EAF2: variants seen among roughly 807,000 people sequenced by gnomAD.
The protein encoded by EAF2 is ELL associated factor 2, also known as ELL-associated factor 2.
A neutral mutation model predicts 29.4 loss-of-function variants in EAF2; 29 were observed. The ratio of observed to expected loss-of-function variants is 0.99; its 90% CI spans 0.73 to 1.35. EAF2 has a LOEUF of 1.35. EAF2 is among the 40% of genes most tolerant of loss of function. The pLI is 0.00. For synonymous variants in EAF2, 103 were observed against 102.5 expected, an observed-to-expected ratio of 1.00 and a Z score of -0.03; for missense variants, 292 against 312.0, an observed-to-expected ratio of 0.94 and a Z score of 0.48.
intron 5 of EAF2, among the ~76,000 whole-genome samples, chr3:121,876,521 C>A (rs1228508740): frequency 2.0e-5 from 3 of 151,728 alleles, no homozygotes; most frequent in Admixed American, 6.6e-5. Context: ...ATAAAGATAA[C>A]AAGTCTGTTT....
intron 2 of EAF2, among the ~76,000 whole-genome samples, chr3:121,851,141 A>G (rs1189770452): frequency 1.3e-5 from 2 of 151,996 alleles, no homozygotes; most frequent in African/African-American, 4.8e-5. Context: ...TATGGTTAAG[A>G]GTCCTTTTAT....
chr3:121,868,603 T>A (rs116478545), intron 4 of EAF2, among the ~76,000 whole-genome samples: 16,856 of 151,860 alleles, frequency 0.11, 1,000 homozygotes, highest in South Asian at 0.16. Flanking sequence ...ATCTCAAAAA[T>A]AAATAAATAA....
intron 1 of EAF2, among the ~76,000 whole-genome samples, chr3:121,836,441 G>A (rs1708286364): frequency 6.6e-6 from 1 of 152,142 alleles, no homozygotes. Context: ...TATTTAAGTT[G>A]TAGACAATTT....
Position 121,886,431 on chromosome 3 carries a change from ATTT to A in EAF2, c.*44_*46del. On this transcript the variant is annotated 3_prime_UTR_variant, in exon 6 of 6. Coordinates refer to ENST00000273668, the MANE Select transcript of EAF2 (RefSeq NM_018456.6). ...AATAAAAATTTATACAGCATGTATAATTTATTTTGTATTAACAATAAAAATTCC... is the reference window on the plus strand; with the variant it reads ...AATAAAAATTTATACAGCATGTATAAATTTTGTATTAACAATAAAAATTCC... The A allele has an allele frequency of 1.7e-6, 2 of 1,204,162 alleles. No homozygotes were observed. The highest frequency in any genetic ancestry group is 2.2e-6 in the Non-Finnish European group (2 of 895,436). 74.6% of individuals were successfully genotyped at this position (1,204,162 alleles called of 1,614,324 possible).
intron 1 of EAF2, among the ~76,000 whole-genome samples, chr3:121,844,129 C>T (rs1010539173): frequency 3.9e-5 from 6 of 152,020 alleles, no homozygotes; most frequent in African/African-American, 1.2e-4. Context: ...AGTTTTTTAG[C>T]AAGTTGTGAA....
chr3:121,852,144 T>G (rs1288461645), intron 2 of EAF2, among the ~76,000 whole-genome samples: 1 of 152,228 alleles, frequency 6.6e-6, no homozygotes. Context: ...CTTCTTCAGG[T>G]GCTGAGAGCA....
intron 5 of EAF2, among the ~76,000 whole-genome samples, chr3:121,884,728 C>T (rs969825141): frequency 8.5e-5 from 13 of 152,172 alleles, no homozygotes; most frequent in Middle Eastern, 3.4e-3. Context: ...TGCCCGACCT[C>T]GCAGATTTCT....
chr3:121,844,546 AAGTG>A lies in EAF2; in HGVS notation c.201+3_201+6del, dbSNP rs1340020597. 4 of 1,581,612 alleles carry A rather than the reference AAGTG, an allele frequency of 2.5e-6. No individual in the cohort carries two copies. The highest frequency in any genetic ancestry group is 8.7e-7 in the Non-Finnish European group (1 of 1,155,408). On this transcript the variant is annotated splice_donor_variant and splice_donor_region_variant and coding_sequence_variant and intron_variant, in exon 2 of 6. Transcript: ENST00000273668. LOFTEE classifies it high-confidence loss of function. ...GTGACCATAACTCTGCCAAATATAGAAGTGAGTATTTCTGTATCTTTAAAGTGAT... is the reference window on the plus strand; with the variant it reads ...GTGACCATAACTCTGCCAAATATAGAAGTATTTCTGTATCTTTAAAGTGAT...
chr3:121,855,146 A>G (rs1708697726), intron 3 of EAF2, among the ~76,000 whole-genome samples: 1 of 152,194 alleles, frequency 6.6e-6, no homozygotes, highest in Non-Finnish European at 1.5e-5. Context: ...CATCTTCATT[A>G]GTAAAAATTT....
At chr3:121,880,455 G>GGT (rs58834177) in intron 5 of EAF2, among the ~76,000 whole-genome samples, 1,469 of 143,046 alleles carry the variant, frequency 0.01, 15 homozygotes, top group South Asian at 0.018. Context: ...AGTGTTTTGG[G>GGT]GTGTGTGTGT....
intron 4 of EAF2, among the ~76,000 whole-genome samples, chr3:121,863,495 G>A (rs567613220): frequency 7.9e-5 from 12 of 152,276 alleles, no homozygotes; most frequent in African/African-American, 9.6e-5. Flanking sequence ...GGGACCCTCC[G>A]AGCCAGGTGC....
intron 5 of EAF2, among the ~76,000 whole-genome samples, chr3:121,878,799 C>T (rs2107546767): frequency 6.6e-6 from 1 of 152,246 alleles, no homozygotes; most frequent in South Asian, 2.1e-4. Context: ...TTAATGGACA[C>T]TTTGGTTGAT....
intron 2 of EAF2, among the ~76,000 whole-genome samples, chr3:121,851,353 T>G (rs902750639): frequency 1.3e-5 from 2 of 151,384 alleles, no homozygotes; most frequent in African/African-American, 4.8e-5. Flanking sequence ...AATTTTTAGT[T>G]TTTTTTTTGT....
Position 121,845,459 on chromosome 3 carries a change from A to AAAAAAAAAAAAAAAG in EAF2, c.201+915_201+916insAAAAAAAAAAAGAAA, listed in dbSNP as rs71133578. Among the ~76,000 whole-genome samples the AAAAAAAAAAAAAAAG allele has an allele frequency of 6.4e-4, 62 of 96,646 alleles. 1 individual carries two copies. The highest frequency in any genetic ancestry group is 7.2e-4 in the African/African-American group (16 of 22,274). The allele number at this position is 96,646 out of a possible 152,430, so 63.4% of individuals were successfully genotyped here. A position where few individuals can be genotyped will look rare whatever the true frequency, so the allele number is the denominator to read the frequency against. ...ACATCTCAAAAAAAAAAAAAAAAAA[A>AAAAAAAAAAAAAAAG]AAAGAAAGAAAGAAAAAGAAAAAGA... On this transcript the variant is annotated intron_variant, in intron 2 of 5. Coordinates refer to ENST00000273668, the MANE Select transcript of EAF2 (RefSeq NM_018456.6).
rs1040549085 is a variant in EAF2 at position 121,835,457 on chromosome 3, C to G, written c.106+66C>G. On this transcript the variant is annotated intron_variant, in intron 1 of 5. Transcript: ENST00000273668. ...GGATGGGGGTGAAGAGGCACAAACC[C>G]CTCTGGGTTTTGTTCCCACAGTACC... is the stretch of plus-strand genomic sequence containing the variant. 11 of 1,450,858 alleles carry G rather than the reference C, an allele frequency of 7.6e-6. 1 individual carries two copies. Among genetic ancestry groups the G allele is most frequent in the East Asian group, 2.3e-5 (1 of 43,090 alleles). 89.9% of individuals were successfully genotyped at this position (1,450,858 alleles called of 1,614,324 possible).
At chr3:121,839,329 C>T (rs562732591) in intron 1 of EAF2, among the ~76,000 whole-genome samples, 37 of 152,278 alleles carry the variant, frequency 2.4e-4, no homozygotes, top group South Asian at 8.3e-4. Context: ...ATTCATCCTC[C>T]GTGTGACTAT....
At chr3:121,873,093 T>C (rs1709045232) in intron 5 of EAF2, 2 of 681,376 alleles carry the variant, frequency 2.9e-6, no homozygotes, top group East Asian at 5.4e-5. Context: ...TTCTTTTCAT[T>C]CTACAATTTC....
At chr3:121,841,525 AAAAAAAAAAAAAAAAAAAG>A (rs1190380471) in intron 1 of EAF2, among the ~76,000 whole-genome samples, 535 of 31,460 alleles carry the variant, frequency 0.017, 20 homozygotes, top group African/African-American at 0.072. Context: ...AAAAAAAAAA[AAAAAAAAAAAAAAAAAAAG>A]AAAGAAAGAA....
rs1175333816 is a variant in EAF2, at chr3:121,857,489, CAAAA to C, written c.484+344_484+347del. 8.7e-5 allele frequency among the ~76,000 whole-genome samples: 6 copies of C among 69,154 alleles called. No individual in the cohort carries two copies. In the South Asian group the frequency reaches 2.6e-3, roughly 30 times the overall value. 45.4% of individuals were successfully genotyped at this position (69,154 alleles called of 152,430 possible). On this transcript the variant is annotated intron_variant, in intron 4 of 5. Coordinates refer to ENST00000273668, the MANE Select transcript of EAF2 (RefSeq NM_018456.6). ...CCTGGGTGACGGTGAGACTCCATCT[CAAAA>C]AAAAAAAAAAGAAAAAAAAATGCTA...
Sources: gnomAD v4.1 joint callset for allele counts (sites outside exome capture counted in the v4.1 genomes callset) on GRCh38, gnomAD v4.1.1 for gene constraint, MANE v1.5 for transcripts, NCBI Gene and HGNC (gene_info 2026-07-23, HGNC 2026-07-21) for gene names.